The following CCT4 variants were observed in gnomAD, a reference collection of about 807,000 sequenced individuals.
CCT4 encodes the protein chaperonin containing TCP1 subunit 4.
A neutral mutation model predicts 62.5 loss-of-function variants in CCT4; 17 were observed. The observed-to-expected ratio is 0.27, with a 90% CI of 0.19 to 0.41. The LOEUF is 0.41. Ranked by LOEUF, CCT4 falls within the 10% of genes least tolerant of loss-of-function variation. The pLI, the probability that CCT4 is intolerant of heterozygous loss-of-function variation, is 1.00. For synonymous variants in CCT4, 250 were observed against 229.9 expected, an observed-to-expected ratio of 1.09 and a Z score of -0.79; for missense variants, 592 against 659.2, an observed-to-expected ratio of 0.90 and a Z score of 1.12.
At chr2:61,876,026 G>A (rs907087147) in intron 8 of CCT4, 69 bp downstream of exon 8, 11 of 992,434 alleles carry the variant, frequency 1.1e-5, no homozygotes, top group Non-Finnish European at 1.6e-5. Flanking sequence ...TATTTTATCA[G>A]AAAAAATAAA....
chr2:61,887,222 C>A (rs1177979169), intron 1 of CCT4, among the ~76,000 whole-genome samples: 1 of 152,202 alleles, frequency 6.6e-6, no homozygotes, highest in Non-Finnish European at 1.5e-5. Flanking sequence ...CTCATTAGGA[C>A]AAGTTAGAAA....
chr2:61,885,170 G>A (rs1669222734), intron 1 of CCT4, 98 bp from the exon 2 acceptor site: 4 of 844,790 alleles, frequency 4.7e-6, no homozygotes, highest in Non-Finnish European at 6.8e-6. Context: ...TCAAACTCCT[G>A]GGCTCAAGCA....
Position 61,872,408 on chromosome 2 carries a change from A to C in CCT4, c.1256+50T>G, listed in dbSNP as rs1668902553. The C allele has an allele frequency of 2.7e-6, 4 of 1,483,174 alleles. No individual in the cohort carries two copies. The African/African-American group carries it at 4.3e-5, about 16-fold the overall frequency. The allele number at this position is 1,483,174 out of a possible 1,614,324, so 91.9% of individuals were successfully genotyped here. A position where few individuals can be genotyped will look rare whatever the true frequency, so the allele number is the denominator to read the frequency against. On this transcript the variant is annotated intron_variant, in intron 11 of 13. Transcript: ENST00000394440. ...TTTATATCTTTAAAAAATAGAATAT[A>C]ATAGTTTTAATGTTCAAAATGTTAC...
chr2:61,877,427 C>CT lies in CCT4; in HGVS notation c.609dup (p.Asp204ArgfsTer3). On this transcript the variant is annotated frameshift_variant, in exon 6 of 14. Transcript: ENST00000394440. LOFTEE classifies it high-confidence loss of function. ...TTAACTATTTTAATATCTCTAAGATCTACACTGGTGGCTGTGGCTGGGTCA... is the reference window on the plus strand; with the variant it reads ...TTAACTATTTTAATATCTCTAAGATCTTACACTGGTGGCTGTGGCTGGGTCA... 6.2e-7 allele frequency: 1 copy of CT among 1,611,550 alleles called. No individual in the cohort carries two copies. Among genetic ancestry groups the CT allele is most frequent in the Non-Finnish European group, 8.5e-7 (1 of 1,178,642 alleles).
rs569097865 is a variant in CCT4 at position 61,884,918 on chromosome 2, G to A, written c.180+102C>T. On this transcript the variant is annotated intron_variant, in intron 2 of 13. Coordinates refer to ENST00000394440, the MANE Select transcript of CCT4 (RefSeq NM_006430.4). ...TGGGATTATAGGTGTGAGCCACCAC[G>A]CCCAGCCCCACTTTTTAAACAGCAC... 76 of 1,007,012 alleles carry A rather than the reference G, an allele frequency of 7.5e-5. 1 individual carries two copies. Among genetic ancestry groups the A allele is most frequent in the African/African-American group, 5.5e-4 (33 of 59,950 alleles). The allele number at this position is 1,007,012 out of a possible 1,614,324, so 62.4% of individuals were successfully genotyped here.
intron 1 of CCT4, 39 bp from the exon 2 acceptor site, chr2:61,885,111 C>CTT (rs57035931): frequency 0.013 from 15,572 of 1,209,926 alleles, no homozygotes; most frequent in East Asian, 0.024. Flanking sequence ...CAAATTAGAA[C>CTT]TTTTTTTTTT....
chr2:61,888,552 A>G lies in CCT4; in HGVS notation c.-45T>C. ...GGGTTGGCTCGGGAAGGACGGATGG[A>G]CCCGGATTCTGGCCGGCCGCAGTGT... On this transcript the variant is annotated 5_prime_UTR_variant, in exon 1 of 14. Coordinates refer to ENST00000394440, the MANE Select transcript of CCT4 (RefSeq NM_006430.4). The G allele has an allele frequency of 1.3e-6, 2 of 1,591,652 alleles. No individual in the cohort carries two copies. The highest frequency in any genetic ancestry group is 1.1e-5 in the South Asian group (1 of 89,748).
intron 3 of CCT4, among the ~76,000 whole-genome samples, chr2:61,882,750 A>G (rs1369020386): frequency 6.6e-6 from 1 of 151,936 alleles, no homozygotes; most frequent in Non-Finnish European, 1.5e-5. Context: ...AGCTCAAGCA[A>G]TCCTCCCACC....
At chr2:61,873,555 CATTT>C (rs143466904) in intron 8 of CCT4, among the ~76,000 whole-genome samples, 26,134 of 151,794 alleles carry the variant, frequency 0.17, 2,642 homozygotes, top group Middle Eastern at 0.29. Context: ...ATTTTTTCCC[CATTT>C]ATTTATTTAT....
intron 13 of CCT4, 48 bp downstream of exon 13, chr2:61,869,392 T>C (rs772146225): frequency 1.2e-5 from 12 of 990,928 alleles, no homozygotes; most frequent in Non-Finnish European, 1.9e-5. Context: ...TTAAAAAATA[T>C]ATGCCTTTTT....
At chr2:61,879,090 AAT>A (rs1270214769) in intron 4 of CCT4, 79 bp from the exon 5 acceptor site, 9 of 1,042,936 alleles carry the variant, frequency 8.6e-6, no homozygotes, top group Non-Finnish European at 4.2e-6. Flanking sequence ...TTTTCTACTC[AAT>A]GTCAAAGCAA....
In CCT4 at chr2:61,883,404, A is replaced by T. The variant is rs889637521; in HGVS notation, c.270+55T>A. 8.9e-6 allele frequency: 8 copies of T among 903,440 alleles called. No homozygotes were observed. The African/African-American group carries it at 1.3e-4, about 14-fold the overall frequency. The allele number at this position is 903,440 out of a possible 1,614,324, so 56.0% of individuals were successfully genotyped here. ...GGCACTCTAGCCTGGATGACAGAGC[A>T]AGACTCTGTCTCAAAAAAAAAAAAA... On this transcript the variant is annotated intron_variant, in intron 3 of 13. Transcript: ENST00000394440.
chr2:61,878,840 T>G, intron 5 of CCT4, 29 bp downstream of exon 5: 1 of 1,550,448 alleles, frequency 6.4e-7, no homozygotes, highest in Non-Finnish European at 8.8e-7. Flanking sequence ...TTAACTAATT[T>G]GACAAGTATC....
intron 8 of CCT4, among the ~76,000 whole-genome samples, chr2:61,874,481 G>A (rs373273155): frequency 4.0e-5 from 6 of 151,614 alleles, no homozygotes; most frequent in African/African-American, 1.4e-4. Context: ...GTGGTGGCAC[G>A]TGACTGTAAT....
intron 12 of CCT4, among the ~76,000 whole-genome samples, chr2:61,870,626 A>G (rs545110805): frequency 3.3e-5 from 5 of 152,136 alleles, no homozygotes; most frequent in Non-Finnish European, 7.3e-5. Context: ...TCTTGCTTAA[A>G]AAAATCTTTA....
chr2:61,880,470 C>G, intron 3 of CCT4, 76 bp from the exon 4 acceptor site: 1 of 768,768 alleles, frequency 1.3e-6, no homozygotes, highest in Non-Finnish European at 2.2e-6. Context: ...AATAATCGCA[C>G]CAGTGTCACA....
chr2:61,871,204 T>G (rs905372161), intron 12 of CCT4, among the ~76,000 whole-genome samples: 1 of 151,904 alleles, frequency 6.6e-6, no homozygotes, highest in Non-Finnish European at 1.5e-5. Flanking sequence ...GCTAATTTTT[T>G]TTTTTGCATT....
At chr2:61,882,260 G>A (rs1178973435) in intron 3 of CCT4, among the ~76,000 whole-genome samples, 1 of 152,090 alleles carries the variant, frequency 6.6e-6, no homozygotes, top group Non-Finnish European at 1.5e-5. Flanking sequence ...TAATGAATTT[G>A]TTTTTGCTCA....
rs1300799340 is a variant in CCT4 at position 61,876,965 on chromosome 2, G to T, written c.732C>A (p.Ala244=). The change falls in exon 7 of 14, where the codon GCC becomes GCA. Residue 244 remains alanine, a synonymous_variant. Transcript: ENST00000394440. ...SNSGITRVEK[A]KIGLIQFCLS... ...AGCAAAACTGAATAAGCCCAATCTT[G>T]GCCTTTTCAACTCTGGTTATGCCAG... The T allele has an allele frequency of 1.9e-6, 3 of 1,613,656 alleles. No individual in the cohort carries two copies. Among genetic ancestry groups the T allele is most frequent in the Admixed American group, 3.3e-5 (2 of 59,958 alleles).
Sources: gnomAD v4.1 joint callset for allele counts (sites outside exome capture counted in the v4.1 genomes callset) on GRCh38, gnomAD v4.1.1 for gene constraint, MANE v1.5 for transcripts, NCBI Gene and HGNC (gene_info 2026-07-23, HGNC 2026-07-21) for gene names.